The following ADARB2 variants were observed in gnomAD, a reference collection of about 807,000 sequenced individuals.
The protein encoded by ADARB2 is adenosine deaminase RNA specific B2 (inactive).
In ADARB2, 25 loss-of-function variants were observed where a neutral mutation model predicts 62.2. That is an observed-to-expected ratio of 0.40 (90% CI 0.29 to 0.56). The LOEUF (loss-of-function observed/expected upper bound fraction) is 0.56, where lower values mean the gene tolerates loss of function less well. ADARB2 is among the 20% of genes least tolerant of loss of function. The pLI, the probability that ADARB2 is intolerant of heterozygous loss-of-function variation, is 0.43. For synonymous variants in ADARB2, 572 were observed against 500.8 expected (o/e 1.14, Z -1.90); for missense variants, 1,071 against 1,077.4 (o/e 0.99, Z 0.08).
intron 1 of ADARB2, among the ~76,000 whole-genome samples, chr10:1,396,159 T>C (rs1832611235): frequency 1.3e-5 from 2 of 152,314 alleles, no homozygotes; most frequent in South Asian, 4.1e-4. Context: ...CAAGTCTAAA[T>C]CTAATTATTT....
intron 3 of ADARB2, among the ~76,000 whole-genome samples, chr10:1,288,108 A>AG (rs1273331041): frequency 6.6e-6 from 1 of 152,224 alleles, no homozygotes; most frequent in Non-Finnish European, 1.5e-5. Flanking sequence ...AAAGGAGCTG[A>AG]GGGGGTGTCT....
At chr10:1,650,679 G>A (rs1487267271) in intron 1 of ADARB2, among the ~76,000 whole-genome samples, 3 of 152,196 alleles carry the variant, frequency 2.0e-5, no homozygotes, top group African/African-American at 7.2e-5. Flanking sequence ...GACCGTCCAC[G>A]AGGTCTTTCC....
chr10:1,595,990 G>A (rs1833329416), intron 1 of ADARB2, among the ~76,000 whole-genome samples: 1 of 152,214 alleles, frequency 6.6e-6, no homozygotes, highest in African/African-American at 2.4e-5. Flanking sequence ...TCTGCCTACG[G>A]CTTTGTGGTC....
chr10:1,618,769 AAG>A (rs1000501258), intron 1 of ADARB2, among the ~76,000 whole-genome samples: 3 of 152,194 alleles, frequency 2.0e-5, no homozygotes, highest in Non-Finnish European at 4.4e-5. Context: ...ATACAAATAA[AAG>A]AGTATTGTTT....
At chr10:1,552,548 C>T (rs2131979324) in intron 1 of ADARB2, among the ~76,000 whole-genome samples, 1 of 152,314 alleles carries the variant, frequency 6.6e-6, no homozygotes, top group East Asian at 1.9e-4. Context: ...CTTCAGGGAA[C>T]AGTCAATCAA....
intron 3 of ADARB2, among the ~76,000 whole-genome samples, chr10:1,352,437 C>G (rs891426160): frequency 9.9e-5 from 15 of 152,184 alleles, no homozygotes; most frequent in Admixed American, 9.8e-4. Context: ...CTAGCTCTCC[C>G]TGACTCATCC....
chr10:1,670,851 C>T (rs1433061380), intron 1 of ADARB2, among the ~76,000 whole-genome samples: 1 of 152,162 alleles, frequency 6.6e-6, no homozygotes, highest in Admixed American at 6.5e-5. Context: ...AGGACGTCTG[C>T]GCAGGAGCCG....
intron 1 of ADARB2, among the ~76,000 whole-genome samples, chr10:1,458,569 G>A (rs900316405): frequency 2.6e-5 from 4 of 152,166 alleles, no homozygotes; most frequent in South Asian, 4.1e-4. Flanking sequence ...GGGAGGCCCC[G>A]CAGACCCCTT....
chr10:1,636,631 A>G (rs1340995058), intron 1 of ADARB2, among the ~76,000 whole-genome samples: 1 of 151,924 alleles, frequency 6.6e-6, no homozygotes, highest in Non-Finnish European at 1.5e-5. Context: ...GTTGGTAAGA[A>G]CACTTTGTTG....
intron 1 of ADARB2, chr10:1,394,877 T>C: frequency 2.2e-6 from 1 of 456,828 alleles, no homozygotes; most frequent in South Asian, 1.5e-5. Context: ...GGTCATTTTT[T>C]CTTTTCTTTT....
chr10:1,215,489 C>T (rs1837221352), intron 7 of ADARB2, among the ~76,000 whole-genome samples: 1 of 152,242 alleles, frequency 6.6e-6, no homozygotes, highest in African/African-American at 2.4e-5. Flanking sequence ...CACTCAGCCT[C>T]CTTCCTGCAC....
chr10:1,473,477 T>G (rs954554770), intron 1 of ADARB2, among the ~76,000 whole-genome samples: 3 of 152,124 alleles, frequency 2.0e-5, no homozygotes, highest in African/African-American at 7.2e-5. Flanking sequence ...CTTCCCGGGC[T>G]CAAGGGATTC....
intron 1 of ADARB2, among the ~76,000 whole-genome samples, chr10:1,454,880 C>A (rs990890602): frequency 1.3e-5 from 2 of 152,222 alleles, no homozygotes; most frequent in Non-Finnish European, 2.9e-5. Context: ...AAGACCCTTG[C>A]TGAGCTTTAC....
At chr10:1,461,540 TG>T (rs1475694663) in intron 1 of ADARB2, among the ~76,000 whole-genome samples, 1 of 152,142 alleles carries the variant, frequency 6.6e-6, no homozygotes, top group Admixed American at 6.5e-5. Context: ...AAATTTGCCC[TG>T]GTCAGAAAAA....
intron 1 of ADARB2, among the ~76,000 whole-genome samples, chr10:1,558,859 G>T: frequency 6.9e-6 from 1 of 144,478 alleles, no homozygotes; most frequent in Non-Finnish European, 1.5e-5. Flanking sequence ...TTTCTTCAGA[G>T]CCATGACCAC....
At position 1,378,000 on chromosome 10, in the gene ADARB2, G is replaced by A. The variant is rs1430437914; in HGVS notation, c.187+1074C>T. Among the ~76,000 whole-genome samples, 5 of 152,076 alleles carry A rather than the reference G, an allele frequency of 3.3e-5. No homozygotes were observed. The East Asian group carries it at 7.7e-4, about 23-fold the overall frequency. On this transcript the variant is annotated intron_variant, in intron 2 of 9. Coordinates refer to ENST00000381312, the MANE Select transcript of ADARB2 (RefSeq NM_018702.4). ...TGACCAGCAATCCCAGGGTCACCTC[G>A]CCTCCTCCCCATCCCGTGACAACAG...
chr10:1,351,481 C>T (rs1439104090), intron 3 of ADARB2, among the ~76,000 whole-genome samples: 3 of 151,824 alleles, frequency 2.0e-5, no homozygotes, highest in African/African-American at 7.3e-5. Flanking sequence ...TTTAGTTATC[C>T]CCACCTGCCC....
intron 1 of ADARB2, among the ~76,000 whole-genome samples, chr10:1,597,835 A>G (rs1372343095): frequency 1.3e-5 from 2 of 152,248 alleles, no homozygotes; most frequent in Admixed American, 6.5e-5. Flanking sequence ...TGTTTATTGC[A>G]GCACTACTCA....
intron 1 of ADARB2, among the ~76,000 whole-genome samples, chr10:1,726,384 G>A (rs1428466266): frequency 6.6e-6 from 1 of 152,074 alleles, no homozygotes; most frequent in East Asian, 1.9e-4. Flanking sequence ...CAAGAGACAT[G>A]CTGTCTACAT....
Sources: allele counts gnomAD v4.1 joint callset (sites outside exome capture counted in the v4.1 genomes callset), GRCh38; gene constraint gnomAD v4.1.1; transcripts MANE v1.5; gene names NCBI Gene and HGNC (gene_info 2026-07-23, HGNC 2026-07-21).